Variants in STOX2 observed in about 807,000 individuals in gnomAD.
STOX2 encodes the protein storkhead box 2, also known as storkhead-box protein 2.
Under a neutral mutation model 60.9 loss-of-function variants are expected in STOX2, and 28 were observed. The observed-to-expected ratio is 0.46, with a 90% CI of 0.34 to 0.63. STOX2 has a LOEUF of 0.63. Ranked by LOEUF, STOX2 falls within the 30% of genes least tolerant of loss-of-function variation. The pLI is 0.01. For synonymous variants in STOX2, 472 were observed against 463.9 expected (o/e 1.02, Z -0.22); for missense variants, 1,024 against 1,187.7 (o/e 0.86, Z 2.03).
chr4:183,799,996 G>A (rs1320611657), intron 1 of STOX2, among the ~76,000 whole-genome samples: 1 of 152,082 alleles, frequency 6.6e-6, no homozygotes, highest in Admixed American at 6.6e-5. Flanking sequence ...TAAAGCCCAA[G>A]CATCAGATAA....
At chr4:183,855,404 G>A (rs951078175) in intron 1 of STOX2, among the ~76,000 whole-genome samples, 3 of 152,044 alleles carry the variant, frequency 2.0e-5, no homozygotes, top group Non-Finnish European at 4.4e-5. Context: ...TGGACTCTTG[G>A]GTCCTATCTG....
intron 1 of STOX2, among the ~76,000 whole-genome samples, chr4:183,972,665 C>T (rs529582832): frequency 7.2e-5 from 11 of 152,052 alleles, no homozygotes; most frequent in Admixed American, 2.0e-4. Flanking sequence ...ATGTTGATCA[C>T]GTGCTTAAAA....
chr4:183,998,084 A>G (rs1045194337), intron 1 of STOX2, among the ~76,000 whole-genome samples: 1 of 152,206 alleles, frequency 6.6e-6, no homozygotes, highest in Non-Finnish European at 1.5e-5. Flanking sequence ...CCTATACAAA[A>G]ATCTGGAAAT....
intron 1 of STOX2, among the ~76,000 whole-genome samples, chr4:183,934,369 GTCTC>G (rs1454243041): frequency 6.6e-6 from 1 of 152,124 alleles, no homozygotes; most frequent in African/African-American, 2.4e-5. Context: ...AAAAATTTCT[GTCTC>G]TCTATCCTGA....
intron 1 of STOX2, among the ~76,000 whole-genome samples, chr4:183,977,729 G>T (rs1386450034): frequency 6.6e-6 from 1 of 152,132 alleles, no homozygotes; most frequent in African/African-American, 2.4e-5. Flanking sequence ...CTGGATCAAA[G>T]GTAGTTCTAT....
intron 1 of STOX2, among the ~76,000 whole-genome samples, chr4:183,861,370 G>C (rs904954013): frequency 5.3e-5 from 8 of 152,164 alleles, no homozygotes; most frequent in African/African-American, 1.9e-4. Flanking sequence ...GCTGCTGTTT[G>C]CCGCCATGGT....
intron 1 of STOX2, among the ~76,000 whole-genome samples, chr4:183,822,662 C>A (rs564932429): frequency 6.6e-6 from 1 of 152,188 alleles, no homozygotes; most frequent in Non-Finnish European, 1.5e-5. Context: ...GCCATCTGAG[C>A]GATGGGGAGC....
At chr4:183,807,278 A>C (rs992531716) in intron 1 of STOX2, among the ~76,000 whole-genome samples, 11 of 152,160 alleles carry the variant, frequency 7.2e-5, no homozygotes, top group African/African-American at 1.2e-4. Context: ...GGCCTCTGAC[A>C]CTTTCATGCT....
intron 1 of STOX2, among the ~76,000 whole-genome samples, chr4:183,999,316 G>A (rs1733484625): frequency 6.6e-6 from 1 of 152,088 alleles, no homozygotes. Context: ...GGTCTCGCCT[G>A]CTACTGCCCC....
At chr4:183,863,842 C>T (rs917808088) in intron 1 of STOX2, among the ~76,000 whole-genome samples, 1 of 152,170 alleles carries the variant, frequency 6.6e-6, no homozygotes, top group African/African-American at 2.4e-5. Context: ...TAGGGATTTA[C>T]ACAACCGTAT....
At chr4:183,857,691 C>T (rs561776615) in intron 1 of STOX2, among the ~76,000 whole-genome samples, 6 of 152,134 alleles carry the variant, frequency 3.9e-5, no homozygotes, top group Non-Finnish European at 7.4e-5. Context: ...ACCTTCCCCC[C>T]AGCCCTGTCT....
At chr4:183,942,413 C>T (rs577375565) in intron 1 of STOX2, among the ~76,000 whole-genome samples, 2 of 150,578 alleles carry the variant, frequency 1.3e-5, no homozygotes, top group South Asian at 2.1e-4. Flanking sequence ...TCATGACTCA[C>T]CACATGGGAC....
intron 1 of STOX2, among the ~76,000 whole-genome samples, chr4:183,996,297 A>G (rs1205720226): frequency 2.0e-5 from 3 of 152,230 alleles, no homozygotes; most frequent in African/African-American, 7.2e-5. Context: ...TTTAGAAAGA[A>G]TTTTTTAGCT....
chr4:183,877,546 C>T (rs1023173616), intron 1 of STOX2, among the ~76,000 whole-genome samples: 14 of 152,178 alleles, frequency 9.2e-5, no homozygotes, highest in Non-Finnish European at 1.6e-4. Context: ...AGCCGTTTTG[C>T]ATGCTCTGTA....
intron 1 of STOX2, among the ~76,000 whole-genome samples, chr4:183,879,959 G>C (rs149576123): frequency 5.9e-5 from 9 of 152,024 alleles, no homozygotes; most frequent in African/African-American, 2.2e-4. Context: ...TACAGCCTTA[G>C]GAAAGGAATT....
chr4:183,801,033 C>T (rs1038366374), intron 1 of STOX2, among the ~76,000 whole-genome samples: 3 of 152,202 alleles, frequency 2.0e-5, no homozygotes, highest in African/African-American at 7.2e-5. Flanking sequence ...ACTTGAAACA[C>T]CTGTGTTGAA....
rs1331630671 is a variant in STOX2 at position 184,011,850 on chromosome 4, G to A, written c.2585+427G>A. Among the ~76,000 whole-genome samples the A allele has an allele frequency of 6.6e-6, 1 of 152,106 alleles. No individual in the cohort carries two copies. Among genetic ancestry groups the A allele is most frequent in the East Asian group, 1.9e-4 (1 of 5,178 alleles). On this transcript the variant is annotated intron_variant, in intron 3 of 3. Coordinates refer to ENST00000308497, the MANE Select transcript of STOX2 (RefSeq NM_020225.3). This position sits in a 1 kb window ranked among gnomAD's most constrained non-coding sequence, Gnocchi z 4.4. ...AGTAAACTGATTGATGCTAAGATAG[G>A]GGTCCCTGTAGTGAAAATATAATAG...
intron 1 of STOX2, among the ~76,000 whole-genome samples, chr4:183,945,850 G>A (rs937370114): frequency 1.9e-4 from 29 of 152,148 alleles, no homozygotes; most frequent in African/African-American, 9.7e-5. Flanking sequence ...CTCTCCTTGC[G>A]AAGGGCTGTA....
At position 184,010,768 on chromosome 4, in the gene STOX2, C is replaced by T; in HGVS notation, c.1930C>T (p.Pro644Ser). 1 of 1,581,020 alleles carries T rather than the reference C, an allele frequency of 6.3e-7. No individual in the cohort carries two copies. Among genetic ancestry groups the T allele is most frequent in the African/African-American group, 1.4e-5 (1 of 74,066 alleles). The change falls in exon 3 of 4, where the codon CCC becomes TCC. Residue 644 changes from proline to serine, a missense_variant. Pro to Ser is a moderately conservative substitution (Grantham distance 74, BLOSUM62 -1). Coordinates refer to ENST00000308497, the MANE Select transcript of STOX2 (RefSeq NM_020225.3). This position sits in a 1 kb window ranked among gnomAD's most constrained non-coding sequence, Gnocchi z 4.5. ...KKLSPSDRQV[P>S]HSSREPVGHK... ...GCTCTCCCCTTCTGATAGGCAGGTC[C>T]CCCACTCCTCCAGGGAGCCTGTGGG...
Sources: gnomAD v4.1 joint callset for allele counts (sites outside exome capture counted in the v4.1 genomes callset) on GRCh38, gnomAD v4.1.1 for gene constraint, Gnocchi (gnomAD v3.1) non-coding constraint, MANE v1.5 for transcripts, NCBI Gene and HGNC (gene_info 2026-07-23, HGNC 2026-07-21) for gene names.